Variants in TBC1D23 observed in about 807,000 individuals in gnomAD.
TBC1D23 encodes the protein TBC1 domain family member 23.
Under a neutral mutation model 91.4 loss-of-function variants are expected in TBC1D23, and 55 were observed. The observed-to-expected ratio is 0.60, with a 90% CI of 0.48 to 0.75. The LOEUF (loss-of-function observed/expected upper bound fraction) is 0.75. TBC1D23 is among the 30% of genes least tolerant of loss of function. The pLI is 0.00. For missense variants in TBC1D23, 725 were observed against 836.1 expected, an observed-to-expected ratio of 0.87 and a Z score of 1.64; for synonymous variants, 289 against 281.0, an observed-to-expected ratio of 1.03 and a Z score of -0.28.
intron 17 of TBC1D23, among the ~76,000 whole-genome samples, chr3:100,320,032 T>C (rs1181180733): frequency 6.6e-6 from 1 of 152,170 alleles, no homozygotes; most frequent in Non-Finnish European, 1.5e-5. Context: ...TTTTCTTTGG[T>C]GATCCATGAT....
intron 1 of TBC1D23, 60 bp from the exon 2 acceptor site, chr3:100,279,589 T>C: frequency 8.4e-7 from 1 of 1,187,334 alleles, no homozygotes; most frequent in Non-Finnish European, 1.2e-6. Context: ...TATAAATGAA[T>C]CTTGAATAAG....
At chr3:100,290,850 C>A in intron 5 of TBC1D23, 149 bp downstream of exon 5, 6 of 567,100 alleles carry the variant, frequency 1.1e-5, no homozygotes, top group Non-Finnish European at 1.7e-5. Flanking sequence ...ATTGGCATTT[C>A]AAAATAACTT....
intron 1 of TBC1D23, among the ~76,000 whole-genome samples, chr3:100,278,382 A>G (rs1426549077): frequency 6.6e-6 from 1 of 151,256 alleles, no homozygotes; most frequent in Admixed American, 6.6e-5. Flanking sequence ...TAAGGAATTG[A>G]TTGATTTTTT....
At chr3:100,299,516 G>GTTGT (rs529835990) in intron 10 of TBC1D23, among the ~76,000 whole-genome samples, 185 bp downstream of exon 10, 15 of 152,128 alleles carry the variant, frequency 9.9e-5, no homozygotes, top group African/African-American at 3.4e-4. Flanking sequence ...TGTTTTTGTT[G>GTTGT]TTGTTTGTTT....
intron 18 of TBC1D23, among the ~76,000 whole-genome samples, chr3:100,322,374 T>C (rs921930040): frequency 6.6e-6 from 1 of 152,158 alleles, no homozygotes; most frequent in South Asian, 2.1e-4. Flanking sequence ...ATTACAGGAG[T>C]GAGCCACCGT....
At chr3:100,309,450 G>C (rs909532567) in intron 13 of TBC1D23, among the ~76,000 whole-genome samples, 1 of 152,024 alleles carries the variant, frequency 6.6e-6, no homozygotes, top group African/African-American at 2.4e-5. Flanking sequence ...ACTCACATAT[G>C]TGCAAATAGT....
At chr3:100,319,466 T>C (rs1345840613) in intron 17 of TBC1D23, among the ~76,000 whole-genome samples, 1 of 152,190 alleles carries the variant, frequency 6.6e-6, no homozygotes, top group Non-Finnish European at 1.5e-5. Flanking sequence ...TTTGCTCTTG[T>C]TGCCCAGGCT....
intron 4 of TBC1D23, among the ~76,000 whole-genome samples, chr3:100,288,250 AAAAAAATT>A (rs2067761319): frequency 6.6e-6 from 1 of 151,892 alleles, no homozygotes; most frequent in African/African-American, 2.4e-5. Flanking sequence ...TCTAAAAAAA[AAAAAAATT>A]AAAAAATTAA....
In TBC1D23 at chr3:100,281,761, GA is replaced by G; in HGVS notation, c.189del (p.Gly64ValfsTer11). The stretch of plus-strand genomic sequence containing the variant: ...TTCCAGATTGCTCTGAATGTTGCAG[GA>G]AAAGGTGATAGTTTGGCATCATGGG... ...KVWKIALNVA[G>X]KGDSLASWDG... On this transcript the variant is annotated frameshift_variant, in exon 3 of 19. Coordinates refer to ENST00000394144, the MANE Select transcript of TBC1D23 (RefSeq NM_001199198.3). LOFTEE classifies it high-confidence loss of function. 2 of 1,612,054 alleles carry G rather than the reference GA, an allele frequency of 1.2e-6. No homozygotes were observed. Among genetic ancestry groups the G allele is most frequent in the Non-Finnish European group, 1.7e-6 (2 of 1,178,608 alleles).
chr3:100,271,054 A>C (rs1030400296), intron 1 of TBC1D23, among the ~76,000 whole-genome samples: 1 of 152,202 alleles, frequency 6.6e-6, no homozygotes, highest in African/African-American at 2.4e-5. Context: ...AGCTTAGTTG[A>C]TAGACTGAGA....
At chr3:100,293,853 G>A (rs1022510431) in intron 5 of TBC1D23, among the ~76,000 whole-genome samples, 2 of 152,092 alleles carry the variant, frequency 1.3e-5, no homozygotes, top group Non-Finnish European at 2.9e-5. Flanking sequence ...CCTGTAAAAT[G>A]GGGAGAAATG....
At chr3:100,309,884 C>T (rs1705594398) in intron 13 of TBC1D23, among the ~76,000 whole-genome samples, 1 of 152,172 alleles carries the variant, frequency 6.6e-6, no homozygotes, top group Admixed American at 6.5e-5. Context: ...ACTGGGATTA[C>T]AGGCGTGAGC....
chr3:100,263,288 C>CA (rs2067529570), intron 1 of TBC1D23, among the ~76,000 whole-genome samples: 1 of 152,188 alleles, frequency 6.6e-6, no homozygotes, highest in Non-Finnish European at 1.5e-5. Flanking sequence ...TCAGTTAAGG[C>CA]AAGGACCGGC....
At chr3:100,277,918 A>G (rs1301127737) in intron 1 of TBC1D23, among the ~76,000 whole-genome samples, 1 of 152,214 alleles carries the variant, frequency 6.6e-6, no homozygotes, top group Non-Finnish European at 1.5e-5. Flanking sequence ...ACCATATAGC[A>G]AAAGAACTAA....
chr3:100,301,347 G>A (rs1705426240), intron 10 of TBC1D23, among the ~76,000 whole-genome samples: 1 of 151,418 alleles, frequency 6.6e-6, no homozygotes, highest in South Asian at 2.1e-4. Context: ...TGGCATTATT[G>A]GATATTATCA....
intron 12 of TBC1D23, among the ~76,000 whole-genome samples, chr3:100,305,532 A>G (rs1228336138): frequency 6.6e-6 from 1 of 152,192 alleles, no homozygotes; most frequent in Admixed American, 6.5e-5. Flanking sequence ...GGGAAAATTA[A>G]TGATCAAATC....
intron 2 of TBC1D23, 143 bp from the exon 3 acceptor site, chr3:100,281,599 T>C (rs772105446): frequency 4.4e-5 from 22 of 503,226 alleles, no homozygotes; most frequent in Admixed American, 1.5e-4. Flanking sequence ...CATGACTAAA[T>C]ACTCAACATT....
intron 1 of TBC1D23, among the ~76,000 whole-genome samples, chr3:100,262,209 A>G (rs764024090): frequency 6.6e-6 from 1 of 152,158 alleles, no homozygotes; most frequent in Non-Finnish European, 1.5e-5. Context: ...GGAGTTGGGA[A>G]GGTGTAACAA....
At chr3:100,310,703 A>C (rs1705610894) in intron 14 of TBC1D23, among the ~76,000 whole-genome samples, 161 bp downstream of exon 14, 1 of 152,100 alleles carries the variant, frequency 6.6e-6, no homozygotes, top group Admixed American at 6.5e-5. Flanking sequence ...GAATTGCAGG[A>C]ATGTACTTTA....
Sources: gnomAD v4.1 joint callset for allele counts (sites outside exome capture counted in the v4.1 genomes callset) on GRCh38, gnomAD v4.1.1 for gene constraint, MANE v1.5 for transcripts, NCBI Gene and HGNC (gene_info 2026-07-23, HGNC 2026-07-21) for gene names.